MAVS: variants seen among roughly 807,000 people sequenced by gnomAD.
The protein encoded by MAVS is mitochondrial antiviral-signaling protein.
Under a neutral mutation model 30.2 loss-of-function variants are expected in MAVS, and 20 were observed. That is an observed-to-expected ratio of 0.66 (90% confidence interval 0.47 to 0.96). The LOEUF (loss-of-function observed/expected upper bound fraction) is 0.96. Among genes scored for constraint, MAVS ranks in the 40% least tolerant of loss-of-function variants. The probability of loss-of-function intolerance (pLI) is 0.00; values close to 1 mark genes in which losing one functional copy is unlikely to be tolerated. For synonymous variants in MAVS, 278 were observed against 293.9 expected (o/e 0.95, Z 0.55); for missense variants, 624 against 701.1 (o/e 0.89, Z 1.24).
Position 3,852,011 on chromosome 20 carries a change from C to CTTTTTTT in MAVS, c.-67-2547_-67-2546insTTTTTTT, listed in dbSNP as rs1278577898. On this transcript the variant is annotated intron_variant, in intron 1 of 6. Coordinates refer to ENST00000428216, the MANE Select transcript of MAVS (RefSeq NM_020746.5). ...CAGGCTTTTTTTTTTTTTTTTTCCC[C>CTTTTTTT]CGAGACGGAATCTGGCTCTGTCGCC... 7.7e-3 allele frequency among the ~76,000 whole-genome samples: 365 copies of CTTTTTTT among 47,186 alleles called. 18 individuals are homozygous for CTTTTTTT. The highest frequency in any genetic ancestry group is 0.035 in the African/African-American group (315 of 9,092). The allele number at this position is 47,186 out of a possible 152,430, so 31.0% of individuals were successfully genotyped here. A position where few individuals can be genotyped will look rare whatever the true frequency, so the allele number is the denominator to read the frequency against.
chr20:3,854,621 A>G lies in MAVS; in HGVS notation c.-4A>G, dbSNP rs746056068. ...AGAGCCCTCTCTCCAGAATCTGAGC[A>G]GCAATGCCGTTTGCTGAAGACAAGA... On this transcript the variant is annotated 5_prime_UTR_variant, in exon 2 of 7. Coordinates refer to ENST00000428216, the MANE Select transcript of MAVS (RefSeq NM_020746.5). 1.2e-6 allele frequency: 2 copies of G among 1,609,390 alleles called. No homozygotes were observed. Among genetic ancestry groups the G allele is most frequent in the Non-Finnish European group, 1.7e-6 (2 of 1,176,372 alleles).
Position 3,867,065 on chromosome 20 carries a change from C to A in MAVS, c.*918C>A, listed in dbSNP as rs1312787171. The A allele has an allele frequency of 2.2e-6, 1 of 456,606 alleles. No individual in the cohort carries two copies. The highest frequency in any genetic ancestry group is 4.4e-6 in the Non-Finnish European group (1 of 226,976). The allele number at this position is 456,606 out of a possible 1,614,324, so 28.3% of individuals were successfully genotyped here. A position where few individuals can be genotyped will look rare whatever the true frequency, so the allele number is the denominator to read the frequency against. Reference sequence around the variant, plus strand: ...TGTTTGCCAAGTGCCTGGCCCAGAGCAAGTGGCCACTGCTTCTCCCATCTC... The same window carrying A: ...TGTTTGCCAAGTGCCTGGCCCAGAGAAAGTGGCCACTGCTTCTCCCATCTC... On this transcript the variant is annotated 3_prime_UTR_variant, in exon 7 of 7. Coordinates refer to ENST00000428216, the MANE Select transcript of MAVS (RefSeq NM_020746.5).
intron 1 of MAVS, among the ~76,000 whole-genome samples, chr20:3,848,380 T>C (rs912559302): frequency 1.2e-4 from 18 of 152,180 alleles, no homozygotes; most frequent in Admixed American, 3.9e-4. Context: ...ATTCCAGGCG[T>C]GAGCCACCGC....
Position 3,854,605 on chromosome 20 carries a change from T to C in MAVS, c.-20T>C. ...CACCCTTCATGGGGCCAGAGCCCTCTCTCCAGAATCTGAGCAGCAATGCCG... is the reference window on the plus strand; with the variant it reads ...CACCCTTCATGGGGCCAGAGCCCTCCCTCCAGAATCTGAGCAGCAATGCCG... On this transcript the variant is annotated 5_prime_UTR_variant, in exon 2 of 7. Coordinates refer to ENST00000428216, the MANE Select transcript of MAVS (RefSeq NM_020746.5). The C allele has an allele frequency of 6.3e-7, 1 of 1,577,860 alleles. No homozygotes were observed. Among genetic ancestry groups the C allele is most frequent in the Non-Finnish European group, 8.7e-7 (1 of 1,148,806 alleles).
rs894079391 is a variant in MAVS, at chr20:3,871,015, G to C, written c.*4868G>C. On this transcript the variant is annotated 3_prime_UTR_variant, in exon 7 of 7. Transcript: ENST00000428216. ...CCTGCTTCAGCCTCTCAAGTAGCTG[G>C]GATTACAGATGCCCGCCACCACACC... 3 of 152,408 alleles carry C rather than the reference G, an allele frequency of 2.0e-5. No individual in the cohort carries two copies. Among genetic ancestry groups the C allele is most frequent in the African/African-American group, 7.2e-5 (3 of 41,380 alleles). 9.4% of individuals were successfully genotyped at this position (152,408 alleles called of 1,614,324 possible).
chr20:3,852,074 A>G (rs1238895207), intron 1 of MAVS, among the ~76,000 whole-genome samples: 2 of 144,140 alleles, frequency 1.4e-5, no homozygotes, highest in Non-Finnish European at 1.5e-5. Context: ...GGCTCACTGC[A>G]AGCTCCGCCT....
At chr20:3,850,946 A>G (rs1165746645) in intron 1 of MAVS, among the ~76,000 whole-genome samples, 1 of 151,798 alleles carries the variant, frequency 6.6e-6, no homozygotes, top group African/African-American at 2.4e-5. Context: ...AGCACTGTGC[A>G]GGCCAAGGCA....
Position 3,865,762 on chromosome 20 carries a change from G to T in MAVS, c.1238G>T (p.Gly413Val). 1 of 1,613,680 alleles carries T rather than the reference G, an allele frequency of 6.2e-7. No homozygotes were observed. Among genetic ancestry groups the T allele is most frequent in the Non-Finnish European group, 8.5e-7 (1 of 1,180,010 alleles). The change falls in exon 7 of 7, where the codon GGC becomes GTC. Residue 413 changes from glycine (G) to valine (V), a missense_variant. Gly to Val is a moderately radical substitution (Grantham distance 109). Transcript: ENST00000428216. The surrounding 1 kb of genome is among the most constrained non-coding windows in gnomAD (Gnocchi z 4.7). ...AWLDSSSENR[G>V]LGSELSKPGV... ...CTAGACAGCAGCTCTGAGAATAGGGGCCTTGGGTCGGAGCTGAGTAAGCCT... is the reference window on the plus strand; with the variant it reads ...CTAGACAGCAGCTCTGAGAATAGGGTCCTTGGGTCGGAGCTGAGTAAGCCT...
chr20:3,869,510 T>G lies in MAVS; in HGVS notation c.*3363T>G, dbSNP rs1391781235. The stretch of plus-strand genomic sequence containing the variant: ...TTATAGAGATGAGGTCATGCTGTTA[T>G]GTTGCCCAGGTTGGCCTCATGAGAT... On this transcript the variant is annotated 3_prime_UTR_variant, in exon 7 of 7. Coordinates refer to ENST00000428216, the MANE Select transcript of MAVS (RefSeq NM_020746.5). 6.6e-6 allele frequency: 1 copy of G among 152,206 alleles called. No individual in the cohort carries two copies. The highest frequency in any genetic ancestry group is 1.5e-5 in the Non-Finnish European group (1 of 68,066). 9.4% of individuals were successfully genotyped at this position (152,206 alleles called of 1,614,324 possible). A position where few individuals can be genotyped will look rare whatever the true frequency, so the allele number is the denominator to read the frequency against.
Position 3,871,601 on chromosome 20 carries a change from A to C in MAVS, c.*5454A>C, listed in dbSNP as rs2089956236. ...CTAGGCAAGATTCAAACTCCGTAGCATGTCTCCTGCTCCCATCTCTTAGGA... is the reference window on the plus strand; with the variant it reads ...CTAGGCAAGATTCAAACTCCGTAGCCTGTCTCCTGCTCCCATCTCTTAGGA... On this transcript the variant is annotated 3_prime_UTR_variant, in exon 7 of 7. Coordinates refer to ENST00000428216, the MANE Select transcript of MAVS (RefSeq NM_020746.5). 6.6e-6 allele frequency: 1 copy of C among 152,364 alleles called. No homozygotes were observed. The highest frequency in any genetic ancestry group is 2.4e-5 in the African/African-American group (1 of 41,432). 9.4% of individuals were successfully genotyped at this position (152,364 alleles called of 1,614,324 possible). A position where few individuals can be genotyped will look rare whatever the true frequency, so the allele number is the denominator to read the frequency against.
chr20:3,858,103 A>G (rs1197023157), intron 3 of MAVS, among the ~76,000 whole-genome samples: 9 of 152,068 alleles, frequency 5.9e-5, no homozygotes, highest in Non-Finnish European at 2.9e-5. Context: ...CGTGTTGAGT[A>G]TTGAGCTGGG....
chr20:3,866,901 A>G lies in MAVS; in HGVS notation c.*754A>G, dbSNP rs1421923073. On this transcript the variant is annotated 3_prime_UTR_variant, in exon 7 of 7. Coordinates refer to ENST00000428216, the MANE Select transcript of MAVS (RefSeq NM_020746.5). Reference sequence around the variant, plus strand: ...GACACCTGGTGGGCAGAGCTCAGGCAGAGGTTTGGATTTCAGCTCCCTCAC... The same window carrying G: ...GACACCTGGTGGGCAGAGCTCAGGCGGAGGTTTGGATTTCAGCTCCCTCAC... 1 of 457,214 alleles carries G rather than the reference A, an allele frequency of 2.2e-6. No individual in the cohort carries two copies. Among genetic ancestry groups the G allele is most frequent in the Non-Finnish European group, 4.4e-6 (1 of 227,002 alleles). 28.3% of individuals were successfully genotyped at this position (457,214 alleles called of 1,614,324 possible).
In MAVS at chr20:3,864,582, T is replaced by A; in HGVS notation, c.952T>A (p.Ser318Thr). 1 of 1,614,126 alleles carries A rather than the reference T, an allele frequency of 6.2e-7. No homozygotes were observed. The highest frequency in any genetic ancestry group is 8.5e-7 in the Non-Finnish European group (1 of 1,180,020). ...VALKVPANPASVSTVPSKLPT... is the reference protein window; with the variant it reads ...VALKVPANPATVSTVPSKLPT... ...CCTGAAAGTGCCTGCCAACCCAGCA[T>A]CTGTCAGCACAGTGCCCTCCAAGTT... is the stretch of plus-strand genomic sequence containing the variant. Residue 318 changes from serine (S) to threonine (T), a missense_variant, in exon 6 of 7, where the codon TCT (serine) becomes ACT (threonine). By Grantham distance (58) the Ser-to-Thr change is moderately conservative. Transcript: ENST00000428216.
rs967525383 is a variant in MAVS, at chr20:3,866,218, C to T, written c.*71C>T. Reference sequence around the variant, plus strand: ...GTACACCTGGCCCCTCTCCGAAGCCCCTTGTCCCTTTCTTGGGGATTGTGG... The same window carrying T: ...GTACACCTGGCCCCTCTCCGAAGCCTCTTGTCCCTTTCTTGGGGATTGTGG... On this transcript the variant is annotated 3_prime_UTR_variant, in exon 7 of 7. Transcript: ENST00000428216. 82 of 1,384,152 alleles carry T rather than the reference C, an allele frequency of 5.9e-5. No homozygotes were observed. Among genetic ancestry groups the T allele is most frequent in the Non-Finnish European group, 7.7e-5 (80 of 1,038,242 alleles). 85.7% of individuals were successfully genotyped at this position (1,384,152 alleles called of 1,614,324 possible).
intron 5 of MAVS, among the ~76,000 whole-genome samples, chr20:3,863,039 A>G (rs1039221989): frequency 2.0e-5 from 3 of 152,180 alleles, no homozygotes; most frequent in Admixed American, 1.3e-4. Flanking sequence ...CGCTCTGCCA[A>G]AGGGACTGTA....
intron 1 of MAVS, among the ~76,000 whole-genome samples, chr20:3,850,274 CAAAAAAAAAA>C (rs71195864): frequency 6.7e-5 from 3 of 44,458 alleles, no homozygotes; most frequent in Admixed American, 3.4e-4. Flanking sequence ...GAGACTGTCT[CAAAAAAAAAA>C]AAAAAAAAAA....
rs912991898 is a variant in MAVS, at chr20:3,870,436, GC to G, written c.*4291del. ...GGACTCTGCCTGGTGATAGACTGAA[GC>G]CAGAACAGTGCCACACCCTCGCCTT... On this transcript the variant is annotated 3_prime_UTR_variant, in exon 7 of 7. Transcript: ENST00000428216. 2.0e-5 allele frequency: 3 copies of G among 152,154 alleles called. No homozygotes were observed. The highest frequency in any genetic ancestry group is 7.2e-5 in the African/African-American group (3 of 41,412). The allele number at this position is 152,154 out of a possible 1,614,324, so 9.4% of individuals were successfully genotyped here. A position where few individuals can be genotyped will look rare whatever the true frequency, so the allele number is the denominator to read the frequency against.
At position 3,865,686 on chromosome 20, in the gene MAVS, A is replaced by T. The variant is rs1457056593; in HGVS notation, c.1162A>T (p.Thr388Ser). Reference protein sequence around the residue: ...PTDGSSRNEETPAAPTPAGAT... With the variant: ...PTDGSSRNEESPAAPTPAGAT... ...AGTGCTCTCCTTTCTTTCCCAGGAGACCCCAGCAGCTCCAACACCCGCCGG... is the reference window on the plus strand; with the variant it reads ...AGTGCTCTCCTTTCTTTCCCAGGAGTCCCCAGCAGCTCCAACACCCGCCGG... Residue 388 changes from threonine (T) to serine (S), a missense_variant, in exon 7 of 7, where the codon ACC becomes TCC. Physicochemically the swap from Thr to Ser is moderately conservative, Grantham distance 58 (BLOSUM62 1). Transcript: ENST00000428216. The surrounding 1 kb of genome is among the most constrained non-coding windows in gnomAD (Gnocchi z 4.7). 6.3e-7 allele frequency: 1 copy of T among 1,598,264 alleles called. No individual in the cohort carries two copies. Among genetic ancestry groups the T allele is most frequent in the Admixed American group, 1.7e-5 (1 of 58,630 alleles).
chr20:3,864,770 C>T lies in MAVS; in HGVS notation c.1140C>T (p.Asp380=), dbSNP rs375248568. ...TKVSASTVPT[D]GSSRNEETPA... ...TGTCTGCCAGCACAGTCCCCACTGA[C>T]GGGAGCAGCAGAAATGAGGTGAGTC... The change falls in exon 6 of 7, where the codon GAC becomes GAT. Residue 380 remains aspartate, a synonymous_variant. Transcript: ENST00000428216. 1.7e-4 allele frequency: 282 copies of T among 1,613,772 alleles called. No individual in the cohort carries two copies. Among genetic ancestry groups the T allele is most frequent in the African/African-American group, 2.4e-4 (18 of 74,962 alleles).
Sources: allele counts gnomAD v4.1 joint callset (sites outside exome capture counted in the v4.1 genomes callset), GRCh38; gene constraint gnomAD v4.1.1; non-coding constraint Gnocchi (gnomAD v3.1); transcripts MANE v1.5; gene names NCBI Gene and HGNC (gene_info 2026-07-23, HGNC 2026-07-21).